Variants in DLEU7 observed in about 807,000 individuals in gnomAD.
DLEU7 encodes the protein leukemia-associated protein 7.
In DLEU7, 17 loss-of-function variants were observed where a neutral mutation model predicts 16.0. That is an observed-to-expected ratio of 1.06 (90% CI 0.73 to 1.59). The LOEUF (loss-of-function observed/expected upper bound fraction) is 1.59. DLEU7 is among the 40% of genes most tolerant of loss of function. The pLI, the probability that DLEU7 is intolerant of heterozygous loss-of-function variation, is 0.00. For missense variants in DLEU7, 308 were observed against 314.9 expected (o/e 0.98, Z 0.17); for synonymous variants, 113 against 139.8 (o/e 0.81, Z 1.35).
At chr13:50,716,788 G>C (rs1177440379) in intron 1 of DLEU7, among the ~76,000 whole-genome samples, 2 of 152,170 alleles carry the variant, frequency 1.3e-5, no homozygotes, top group Non-Finnish European at 2.9e-5. Flanking sequence ...TTCTGTAACA[G>C]GTTGTAAACT....
At chr13:50,792,014 T>TTGTC (rs1434255650) in intron 1 of DLEU7, among the ~76,000 whole-genome samples, 1 of 152,212 alleles carries the variant, frequency 6.6e-6, no homozygotes, top group Non-Finnish European at 1.5e-5. Flanking sequence ...TTTAGGACTG[T>TTGTC]TGTCAAATCT....
intron 1 of DLEU7, among the ~76,000 whole-genome samples, chr13:50,781,538 C>G (rs939289010): frequency 2.6e-5 from 4 of 152,204 alleles, no homozygotes; most frequent in African/African-American, 9.6e-5. Flanking sequence ...AATGGTCTTC[C>G]TGCCTCAGTC....
At chr13:50,838,715 AC>A (rs1252127960) in intron 1 of DLEU7, among the ~76,000 whole-genome samples, 1 of 152,046 alleles carries the variant, frequency 6.6e-6, no homozygotes, top group Admixed American at 6.6e-5. Flanking sequence ...CATATGTTCA[AC>A]CCCCAATGTG....
At chr13:50,804,324 G>T (rs1335622518) in intron 1 of DLEU7, among the ~76,000 whole-genome samples, 1 of 151,548 alleles carries the variant, frequency 6.6e-6, no homozygotes, top group Non-Finnish European at 1.5e-5. Flanking sequence ...GTCTGATACT[G>T]AGTTTCCCTC....
intron 1 of DLEU7, among the ~76,000 whole-genome samples, chr13:50,785,522 C>T (rs1340085713): frequency 6.6e-6 from 1 of 152,160 alleles, no homozygotes; most frequent in Non-Finnish European, 1.5e-5. Flanking sequence ...ATAGTCCTTA[C>T]AGCCTTATCC....
intron 1 of DLEU7, among the ~76,000 whole-genome samples, chr13:50,778,670 T>C (rs1875570195): frequency 6.6e-6 from 1 of 152,366 alleles, no homozygotes; most frequent in Admixed American, 6.5e-5. Context: ...CCACACATAG[T>C]GCCAGCTCTT....
rs1873772327 is a variant in DLEU7 at position 50,726,704 on chromosome 13, C to T, written c.460-13464G>A. Among the ~76,000 whole-genome samples the T allele has an allele frequency of 6.6e-6, 1 of 152,026 alleles. No individual in the cohort carries two copies. ...CCTTTTATTTCTCCAGGCATGGGTG[C>T]ACCTCGGGGGTGGGCTGAGCACCTA... On this transcript the variant is annotated intron_variant, in intron 1 of 1. Transcript: ENST00000400393. The surrounding 1 kb of genome is among the most constrained non-coding windows in gnomAD (Gnocchi z 4.0).
At chr13:50,789,941 CTTTCTTTT>C (rs1875903718) in intron 1 of DLEU7, among the ~76,000 whole-genome samples, 1 of 136,960 alleles carries the variant, frequency 7.3e-6, no homozygotes, top group South Asian at 2.7e-4. Flanking sequence ...TTCTTTCTTT[CTTTCTTTT>C]TTTTTTTTTT....
rs1400352329 is a variant in DLEU7 at position 50,823,050 on chromosome 13, C to T, written c.*264G>A. ...TATACATACATAATCAAATCAGCTT[C>T]ACAAAGTAGAATGTATTTCAATCAG... On this transcript the variant is annotated 3_prime_UTR_variant, in exon 2 of 2. Transcript: ENST00000504404. 2.6e-6 allele frequency: 3 copies of T among 1,158,768 alleles called. No homozygotes were observed. Among genetic ancestry groups the T allele is most frequent in the Non-Finnish European group, 3.2e-6 (3 of 924,218 alleles). 71.8% of individuals were successfully genotyped at this position (1,158,768 alleles called of 1,614,324 possible).
At chr13:50,780,163 G>A (rs559824406) in intron 1 of DLEU7, among the ~76,000 whole-genome samples, 5 of 152,248 alleles carry the variant, frequency 3.3e-5, no homozygotes, top group African/African-American at 9.6e-5. Context: ...TACAGCCATG[G>A]TGGAGCCCCT....
intron 1 of DLEU7, among the ~76,000 whole-genome samples, chr13:50,755,175 G>C (rs662688): frequency 6.6e-6 from 1 of 151,936 alleles, no homozygotes; most frequent in Non-Finnish European, 1.5e-5. Context: ...TGTAGGTGAT[G>C]ATCTTTTTGT....
chr13:50,791,758 A>T (rs1484223900), intron 1 of DLEU7, among the ~76,000 whole-genome samples: 1 of 152,214 alleles, frequency 6.6e-6, no homozygotes, highest in African/African-American at 2.4e-5. Flanking sequence ...GCAAATGACA[A>T]TTTTAAAGAT....
intron 1 of DLEU7, among the ~76,000 whole-genome samples, chr13:50,794,699 C>T (rs1876060256): frequency 6.6e-6 from 1 of 152,160 alleles, no homozygotes; most frequent in Non-Finnish European, 1.5e-5. Flanking sequence ...TCCAACTTCA[C>T]AATAACCCTT....
At chr13:50,776,488 T>G (rs572426212) in intron 1 of DLEU7, among the ~76,000 whole-genome samples, 20 of 152,334 alleles carry the variant, frequency 1.3e-4, no homozygotes, top group African/African-American at 4.8e-4. Flanking sequence ...GTGGCTTTAT[T>G]TATAGTTCTT....
At chr13:50,817,265 A>G (rs1295404185) in intron 1 of DLEU7, among the ~76,000 whole-genome samples, 2 of 152,194 alleles carry the variant, frequency 1.3e-5, no homozygotes, top group Non-Finnish European at 2.9e-5. Flanking sequence ...CATGGAGCAG[A>G]TATGAACTTG....
chr13:50,815,323 A>G (rs2137794633), intron 1 of DLEU7, among the ~76,000 whole-genome samples: 1 of 151,888 alleles, frequency 6.6e-6, no homozygotes, highest in East Asian at 1.9e-4. Flanking sequence ...CATTGTCGAC[A>G]GAAAAATCTC....
downstream of DLEU7, among the ~76,000 whole-genome samples, chr13:50,822,288 G>A (rs1357683693): frequency 2.0e-5 from 3 of 152,138 alleles, no homozygotes; most frequent in Non-Finnish European, 4.4e-5. Flanking sequence ...CTTAGAAATA[G>A]TACTGTACTC....
intron 1 of DLEU7, among the ~76,000 whole-genome samples, chr13:50,779,773 C>A (rs1450154945): frequency 6.6e-6 from 1 of 152,114 alleles, no homozygotes; most frequent in East Asian, 1.9e-4. Context: ...ATAGACTCTG[C>A]CACCTCATCA....
chr13:50,823,641 T>C lies in DLEU7; in HGVS notation c.460-121A>G, dbSNP rs1876987767. 7 of 1,235,710 alleles carry C rather than the reference T, an allele frequency of 5.7e-6. No homozygotes were observed. In the South Asian group the frequency reaches 1.1e-4, roughly 19 times the overall value. The allele number at this position is 1,235,710 out of a possible 1,614,324, so 76.5% of individuals were successfully genotyped here. A position where few individuals can be genotyped will look rare whatever the true frequency, so the allele number is the denominator to read the frequency against. On this transcript the variant is annotated intron_variant, in intron 1 of 1. Coordinates refer to ENST00000504404, the MANE Select transcript of DLEU7 (RefSeq NM_001306135.2). ...GTGACAGCACTCTGGTTTTTTTTTTTCTTGGAAAACTACACCCCATTCTTA... is the reference window on the plus strand; with the variant it reads ...GTGACAGCACTCTGGTTTTTTTTTTCCTTGGAAAACTACACCCCATTCTTA...
Sources: gnomAD v4.1 joint callset for allele counts (sites outside exome capture counted in the v4.1 genomes callset) on GRCh38, gnomAD v4.1.1 for gene constraint, Gnocchi (gnomAD v3.1) non-coding constraint, MANE v1.5 for transcripts, NCBI Gene and HGNC (gene_info 2026-07-23, HGNC 2026-07-21) for gene names.